CACNA2D4: variants seen among roughly 807,000 people sequenced by gnomAD.
CACNA2D4 encodes the protein voltage-dependent calcium channel subunit alpha-2/delta-4.
A neutral mutation model predicts 163.8 loss-of-function variants in CACNA2D4; 157 were observed. The ratio of observed to expected loss-of-function variants is 0.96; its 90% confidence interval spans 0.84 to 1.09. The LOEUF is 1.09. Ranked by LOEUF, CACNA2D4 falls within the 50% of genes least tolerant of loss-of-function variation. CACNA2D4 has a pLI of 0.00. For synonymous variants in CACNA2D4, 598 were observed against 586.9 expected, an observed-to-expected ratio of 1.02 and a Z score of -0.27; for missense variants, 1,410 against 1,479.9, an observed-to-expected ratio of 0.95 and a Z score of 0.78.
At chr12:1,852,279 G>A (rs745897257) in intron 23 of CACNA2D4, among the ~76,000 whole-genome samples, 7 of 152,112 alleles carry the variant, frequency 4.6e-5, no homozygotes, top group Non-Finnish European at 8.8e-5. Flanking sequence ...AGGCATGCTT[G>A]TCTTGTTCCT....
At chr12:1,794,084 C>T (rs1277981730) in intron 37 of CACNA2D4, among the ~76,000 whole-genome samples, 6 of 152,132 alleles carry the variant, frequency 3.9e-5, no homozygotes, top group East Asian at 1.9e-4. Flanking sequence ...ATGAAGCACC[C>T]GGCTCAGGGC....
intron 18 of CACNA2D4, among the ~76,000 whole-genome samples, chr12:1,866,787 A>ATT (rs34111398): frequency 0.035 from 4,810 of 136,454 alleles, 209 homozygotes; most frequent in African/African-American, 0.11. Context: ...CACCTGGCTA[A>ATT]TTTTTTTTTT....
chr12:1,801,150 A>G, intron 30 of CACNA2D4, 32 bp from the exon 31 acceptor site: 1 of 1,586,122 alleles, frequency 6.3e-7, no homozygotes, highest in Non-Finnish European at 8.7e-7. Context: ...TGATGAGTCC[A>G]AAGCCACCCC....
In CACNA2D4 at chr12:1,874,291, T is replaced by TA. The variant is rs1227096696; in HGVS notation, c.1878+312dup. ...GCTGTCACGTTTCCCCTTTTCATTA[T>TA]AAACAACAAAAGGGCCAGTAGCAGG... On this transcript the variant is annotated intron_variant, in intron 18 of 37. Coordinates refer to ENST00000382722, the MANE Select transcript of CACNA2D4 (RefSeq NM_172364.5). The surrounding 1 kb of genome is among the most constrained non-coding windows in gnomAD (Gnocchi z 4.4). 6.6e-6 allele frequency among the ~76,000 whole-genome samples: 1 copy of TA among 152,156 alleles called. No homozygotes were observed. Among genetic ancestry groups the TA allele is most frequent in the African/African-American group, 2.4e-5 (1 of 41,428 alleles).
At chr12:1,800,930 C>T in intron 31 of CACNA2D4, 113 bp downstream of exon 31, 2 of 927,060 alleles carry the variant, frequency 2.2e-6, no homozygotes, top group Non-Finnish European at 3.4e-6. Flanking sequence ...CAAGGTAGGG[C>T]CCTGGGGCCA....
rs536623609 is a variant in CACNA2D4, at chr12:1,829,005, C to T, written c.2551+11734G>A. Among the ~76,000 whole-genome samples the T allele has an allele frequency of 2.2e-4, 33 of 152,344 alleles. No individual in the cohort carries two copies. Among genetic ancestry groups the T allele is most frequent in the Admixed American group, 1.6e-3 (24 of 15,306 alleles). ...CCTGACTTCCCGCTCTGATCCAGCA[C>T]CCAACACGGGCAGCCTGAATTATTC... On this transcript the variant is annotated intron_variant, in intron 26 of 37. Transcript: ENST00000382722. This position sits in a 1 kb window ranked among gnomAD's most constrained non-coding sequence, Gnocchi z 4.2.
chr12:1,914,265 A>G (rs1452568329), intron 2 of CACNA2D4, among the ~76,000 whole-genome samples: 1 of 152,242 alleles, frequency 6.6e-6, no homozygotes, highest in Non-Finnish European at 1.5e-5. Flanking sequence ...GTGAGCTGCC[A>G]TTGGAACTGC....
In CACNA2D4 at chr12:1,795,748, T is replaced by G. The variant is rs773902275; in HGVS notation, c.3146A>C (p.Asn1049Thr). ...GGGGTCTGTCACCAGGAGGAGGAGG[T>G]TACTGTTGGGAATCTGCTGCACCAC... is the stretch of plus-strand genomic sequence containing the variant. ...VFVVQQIPNS[N>T]LLLLVTDPTC... Residue 1049 changes from asparagine (N) to threonine (T), a missense_variant, in exon 36 of 38, where the codon AAC (asparagine) becomes ACC (threonine). Asn to Thr is a moderately conservative substitution (Grantham distance 65, BLOSUM62 0). Coordinates refer to ENST00000382722, the MANE Select transcript of CACNA2D4 (RefSeq NM_172364.5). 5.1e-5 allele frequency: 82 copies of G among 1,606,968 alleles called. No individual in the cohort carries two copies. Among genetic ancestry groups the G allele is most frequent in the Non-Finnish European group, 6.7e-5 (79 of 1,177,178 alleles).
chr12:1,862,352 T>G (rs7304981), intron 18 of CACNA2D4, among the ~76,000 whole-genome samples: 16,121 of 152,280 alleles, frequency 0.11, 935 homozygotes, highest in Non-Finnish European at 0.12. Context: ...GAGTTCCAAT[T>G]TCTCCACAGC....
chr12:1,860,555 C>A (rs1226984073), intron 18 of CACNA2D4, among the ~76,000 whole-genome samples: 1 of 152,230 alleles, frequency 6.6e-6, no homozygotes, highest in Non-Finnish European at 1.5e-5. Flanking sequence ...TTAGTTAGCA[C>A]ATGTGGCTAG....
intron 6 of CACNA2D4, among the ~76,000 whole-genome samples, chr12:1,901,619 C>A (rs1866539418): frequency 6.6e-6 from 1 of 152,028 alleles, no homozygotes; most frequent in Non-Finnish European, 1.5e-5. Flanking sequence ...TAGACACATA[C>A]AACCTACTAA....
At chr12:1,850,791 G>GT (rs1865260333) in intron 23 of CACNA2D4, among the ~76,000 whole-genome samples, 1 of 151,472 alleles carries the variant, frequency 6.6e-6, no homozygotes, top group East Asian at 1.9e-4. Flanking sequence ...GCAGGTGCCT[G>GT]TAGTCCCAGC....
chr12:1,910,137 C>A (rs1417547974), intron 3 of CACNA2D4, among the ~76,000 whole-genome samples, 172 bp from the exon 4 acceptor site: 1 of 152,232 alleles, frequency 6.6e-6, no homozygotes, highest in Non-Finnish European at 1.5e-5. Flanking sequence ...CACAGCCACA[C>A]TATGCACAAC....
Position 1,856,078 on chromosome 12 carries a change from G to A in CACNA2D4, c.2086C>T (p.His696Tyr), listed in dbSNP as rs750059109. Residue 696 changes from histidine to tyrosine, a missense_variant, in exon 22 of 38, where the codon CAC (histidine) becomes TAC (tyrosine). Transcript: ENST00000382722. ...GCCTCTAGCTGGCTGAGCTTCCGGT[G>A]GTCTGGGTCAATATCTGTGATGCAG... ...IYCITDIDPD[H>Y]RKLSQLEAMI... 1.1e-5 allele frequency: 18 copies of A among 1,613,894 alleles called. No homozygotes were observed. The highest frequency in any genetic ancestry group is 1.5e-5 in the Non-Finnish European group (18 of 1,179,890).
intron 26 of CACNA2D4, among the ~76,000 whole-genome samples, chr12:1,838,602 G>A (rs1013162767): frequency 2.6e-5 from 4 of 152,214 alleles, no homozygotes; most frequent in African/African-American, 4.8e-5. Flanking sequence ...GTGTAAGAGC[G>A]ATTGTCTGCA....
At position 1,846,646 on chromosome 12, in the gene CACNA2D4, C is replaced by A. The variant is rs763309046; in HGVS notation, c.2290G>T (p.Ala764Ser). 9 of 1,604,528 alleles carry A rather than the reference C, an allele frequency of 5.6e-6. No individual in the cohort carries two copies. The highest frequency in any genetic ancestry group is 7.6e-6 in the Non-Finnish European group (9 of 1,177,532). ...AACAAGCTGCTTCTCAGGAGGCCAG[C>A]CCGGGTGCCCAGGAAGGCCATGTCC... The part of the protein sequence containing the change: ...VVDMAFLGTR[A>S]GLLRSSLFVG... The change falls in exon 24 of 38, where the codon GCT (alanine) becomes TCT (serine). Residue 764 changes from alanine to serine, a missense_variant. Transcript: ENST00000382722.
chr12:1,800,159 G>A (rs1863263812), intron 32 of CACNA2D4, 107 bp from the exon 33 acceptor site: 3 of 1,163,758 alleles, frequency 2.6e-6, no homozygotes, highest in Non-Finnish European at 3.8e-6. Flanking sequence ...CTCTCCTCCA[G>A]GACACCCTCT....
rs915832658 is a variant in CACNA2D4, at chr12:1,799,545, C to T, written c.2995+130G>A. 2.0e-6 allele frequency: 2 copies of T among 989,856 alleles called. No homozygotes were observed. Among genetic ancestry groups the T allele is most frequent in the Non-Finnish European group, 3.1e-6 (2 of 652,412 alleles). The allele number at this position is 989,856 out of a possible 1,614,324, so 61.3% of individuals were successfully genotyped here. ...AGTCCCCCAACCCCCAGGAATGGTA[C>T]TTTAAACCAGGAGAGCTCAGCCCTG... is the stretch of plus-strand genomic sequence containing the variant. On this transcript the variant is annotated intron_variant, in intron 34 of 37. Transcript: ENST00000382722. This position sits in a 1 kb window ranked among gnomAD's most constrained non-coding sequence, Gnocchi z 4.7.
At chr12:1,870,974 C>G (rs1656709254) in intron 18 of CACNA2D4, among the ~76,000 whole-genome samples, 1 of 152,204 alleles carries the variant, frequency 6.6e-6, no homozygotes, top group African/African-American at 2.4e-5. Context: ...ATCCAGGGTG[C>G]AGGGATTCAA....
Sources: gnomAD v4.1 joint callset for allele counts (sites outside exome capture counted in the v4.1 genomes callset) on GRCh38, gnomAD v4.1.1 for gene constraint, Gnocchi (gnomAD v3.1) non-coding constraint, MANE v1.5 for transcripts, NCBI Gene and HGNC (gene_info 2026-07-23, HGNC 2026-07-21) for gene names.